The following VPS8 variants were observed in gnomAD, a reference collection of about 807,000 sequenced individuals.
VPS8 encodes the protein vacuolar protein sorting-associated protein 8 homolog.
VPS8 carries 129 observed loss-of-function variants against 216.4 expected under a neutral mutation model. The observed-to-expected ratio is 0.60, with a 90% CI of 0.52 to 0.69. The LOEUF is 0.69. Among genes scored for constraint, VPS8 ranks in the 30% least tolerant of loss-of-function variants. The probability of loss-of-function intolerance (pLI) is 0.00; values close to 1 mark genes in which losing one functional copy is unlikely to be tolerated. For synonymous variants in VPS8, 571 were observed against 565.4 expected (o/e 1.01, Z -0.14); for missense variants, 1,531 against 1,683.5 (o/e 0.91, Z 1.59).
At chr3:184,872,196 G>T (rs6779667) in intron 21 of VPS8, among the ~76,000 whole-genome samples, 30,987 of 151,876 alleles carry the variant, frequency 0.2, 4,010 homozygotes, top group African/African-American at 0.37. Context: ...CCAAGAGGTT[G>T]TAGGAACTCT....
intron 26 of VPS8, 80 bp downstream of exon 26, chr3:184,913,641 T>A: frequency 8.6e-7 from 1 of 1,157,534 alleles, no homozygotes; most frequent in Non-Finnish European, 1.2e-6. Context: ...TATGATCTCT[T>A]ATCTATATAG....
intron 19 of VPS8, 130 bp from the exon 20 acceptor site, chr3:184,869,352 T>G: frequency 1.0e-6 from 1 of 955,342 alleles, no homozygotes. Flanking sequence ...TTATCCAACA[T>G]TTTGATAGCT....
intron 1 of VPS8, among the ~76,000 whole-genome samples, chr3:184,820,700 TACTG>T (rs1717390130): frequency 1.3e-5 from 2 of 152,190 alleles, no homozygotes; most frequent in Admixed American, 6.5e-5. Flanking sequence ...TGGAAAAACT[TACTG>T]ACTAAAATGA....
chr3:185,051,764 A>T, intron 47 of VPS8, 112 bp from the exon 48 acceptor site: 1 of 1,279,122 alleles, frequency 7.8e-7, no homozygotes, highest in Non-Finnish European at 1.0e-6. Context: ...CCTGCATGTT[A>T]CTACTCCTGC....
intron 42 of VPS8, among the ~76,000 whole-genome samples, chr3:184,992,931 G>A (rs1752099071): frequency 6.6e-6 from 1 of 152,026 alleles, no homozygotes; most frequent in South Asian, 2.1e-4. Flanking sequence ...TCTAAAGAAA[G>A]AATCAGAGAT....
intron 37 of VPS8, among the ~76,000 whole-genome samples, chr3:184,961,025 A>G (rs1203160666): frequency 6.6e-6 from 1 of 152,236 alleles, no homozygotes; most frequent in Non-Finnish European, 1.5e-5. Flanking sequence ...TAGGAATTCT[A>G]ACCAACTCAA....
Position 185,004,510 on chromosome 3 carries a change from C to T in VPS8, c.4002+4649C>T, listed in dbSNP as rs560139959. ...GGAGACCGTGGGGAGAGGGAGACCG[C>T]GGGGAGAGGGAGAGGGAGAGCTCTT... On this transcript the variant is annotated intron_variant, in intron 45 of 47. Coordinates refer to ENST00000625842, the MANE Select transcript of VPS8 (RefSeq NM_001009921.3). Among the ~76,000 whole-genome samples the T allele has an allele frequency of 9.7e-5, 13 of 134,014 alleles. No individual in the cohort carries two copies. In the South Asian group the frequency reaches 2.4e-3, roughly 25 times the overall value. The allele number at this position is 134,014 out of a possible 152,430, so 87.9% of individuals were successfully genotyped here.
chr3:184,824,475 C>A, intron 1 of VPS8, 70 bp from the exon 2 acceptor site: 1 of 762,002 alleles, frequency 1.3e-6, no homozygotes, highest in Non-Finnish European at 2.1e-6. Flanking sequence ...TTTGGAATGT[C>A]CAATTGACAA....
intron 3 of VPS8, among the ~76,000 whole-genome samples, chr3:184,832,003 T>C (rs2108544848): frequency 6.6e-6 from 1 of 152,246 alleles, no homozygotes; most frequent in Admixed American, 6.5e-5. Flanking sequence ...ATTAAATGAG[T>C]ACTGGTTATG....
intron 45 of VPS8, among the ~76,000 whole-genome samples, chr3:185,011,640 G>C (rs1360439431): frequency 1.3e-5 from 2 of 152,164 alleles, no homozygotes; most frequent in African/African-American, 2.4e-5. Context: ...TATGTTACAG[G>C]GATTGATAAA....
chr3:185,034,001 A>C (rs1365968392), intron 46 of VPS8, among the ~76,000 whole-genome samples: 1 of 152,050 alleles, frequency 6.6e-6, no homozygotes, highest in Non-Finnish European at 1.5e-5. Context: ...AGTGATGCTG[A>C]GGTTTAGTGT....
chr3:185,005,437 G>C (rs975943496), intron 45 of VPS8, among the ~76,000 whole-genome samples: 4 of 152,062 alleles, frequency 2.6e-5, no homozygotes, highest in African/African-American at 9.7e-5. Flanking sequence ...GATGGGAATT[G>C]CATTGAATCT....
chr3:184,887,124 C>T (rs1731432458), intron 22 of VPS8, among the ~76,000 whole-genome samples: 1 of 152,072 alleles, frequency 6.6e-6, no homozygotes, highest in Non-Finnish European at 1.5e-5. Context: ...GGGAGGATTC[C>T]TTGAGCCCAG....
chr3:185,038,087 A>G (rs1350677452), intron 46 of VPS8, among the ~76,000 whole-genome samples: 3 of 152,136 alleles, frequency 2.0e-5, no homozygotes, highest in African/African-American at 4.8e-5. Context: ...TGTATACCCT[A>G]TGTACTGGTC....
Position 184,898,633 on chromosome 3 carries a change from T to A in VPS8, c.2073T>A (p.Asn691Lys), listed in dbSNP as rs937561862. Reference protein sequence around the residue: ...AMIYVYNRGMNEFISPMEKLF... With the variant: ...AMIYVYNRGMKEFISPMEKLF... ...TCTATGTCTACAACAGAGGCATGAA[T>A]GAATTTATTAGTCCAATGGAGGTAA... Residue 691 changes from asparagine (N) to lysine (K), a missense_variant, in exon 24 of 48, where the codon AAT becomes AAA. This residue lies in a region of VPS8 where 1,318 missense variants were observed against 1,468.4 expected (regional missense o/e 0.90). Coordinates refer to ENST00000625842, the MANE Select transcript of VPS8 (RefSeq NM_001009921.3). The A allele has an allele frequency of 6.4e-7, 1 of 1,553,282 alleles. No homozygotes were observed. The highest frequency in any genetic ancestry group is 8.7e-7 in the Non-Finnish European group (1 of 1,147,686).
intron 45 of VPS8, among the ~76,000 whole-genome samples, chr3:185,002,325 A>G (rs900814720): frequency 3.3e-5 from 5 of 152,210 alleles, no homozygotes; most frequent in South Asian, 4.1e-4. Flanking sequence ...CATTTACACT[A>G]CATTGGTTGC....
intron 1 of VPS8, chr3:184,815,635 T>C (rs1243515122): frequency 2.0e-5 from 3 of 152,126 alleles, no homozygotes; most frequent in African/African-American, 7.2e-5. Context: ...GTGATGTGCC[T>C]ACTCTTCTGC....
At chr3:184,886,200 G>A in intron 22 of VPS8, 44 bp downstream of exon 22, 1 of 1,568,476 alleles carries the variant, frequency 6.4e-7, no homozygotes, top group Non-Finnish European at 8.7e-7. Context: ...TTGAACCCAG[G>A]TAGCCTCTTA....
At chr3:184,836,716 G>A (rs534083459) in intron 5 of VPS8, among the ~76,000 whole-genome samples, 2 of 152,166 alleles carry the variant, frequency 1.3e-5, no homozygotes, top group South Asian at 4.2e-4. Flanking sequence ...TATATTTTTG[G>A]ATATTTCTCC....
Sources: gnomAD v4.1 joint callset for allele counts (sites outside exome capture counted in the v4.1 genomes callset) on GRCh38, gnomAD v4.1.1 for gene constraint, gnomAD v4.1.1 regional missense constraint, MANE v1.5 for transcripts, NCBI Gene and HGNC (gene_info 2026-07-23, HGNC 2026-07-21) for gene names.